The following DAAM1 variants were observed in gnomAD, a reference collection of about 807,000 sequenced individuals.
DAAM1 encodes dishevelled associated activator of morphogenesis 1, also known as disheveled-associated activator of morphogenesis 1.
A neutral mutation model predicts 130.0 loss-of-function variants in DAAM1; 52 were observed. That is an observed-to-expected ratio of 0.40 (90% confidence interval 0.32 to 0.50). The LOEUF (loss-of-function observed/expected upper bound fraction) is 0.50. Ranked by LOEUF, DAAM1 falls within the 20% of genes least tolerant of loss-of-function variation. The probability of loss-of-function intolerance (pLI) is 0.61; values close to 1 mark genes in which losing one functional copy is unlikely to be tolerated. For missense variants in DAAM1, 1,134 were observed against 1,303.8 expected (o/e 0.87, Z 2.01); for synonymous variants, 452 against 444.5 (o/e 1.02, Z -0.21).
At chr14:59,232,515 C>A (rs990617026) in intron 1 of DAAM1, among the ~76,000 whole-genome samples, 11 of 152,050 alleles carry the variant, frequency 7.2e-5, no homozygotes, top group African/African-American at 2.4e-4. Flanking sequence ...AATTCTGTAC[C>A]CTGAAACAGT....
chr14:59,304,239 CA>C (rs955100683), intron 3 of DAAM1, among the ~76,000 whole-genome samples: 3 of 152,092 alleles, frequency 2.0e-5, no homozygotes, highest in Non-Finnish European at 4.4e-5. Context: ...CAAAGAGGAA[CA>C]AAAAACACGT....
At chr14:59,240,988 A>G (rs1881091101) in intron 1 of DAAM1, among the ~76,000 whole-genome samples, 1 of 152,218 alleles carries the variant, frequency 6.6e-6, no homozygotes. Context: ...CCAAAGACAG[A>G]TACAGCTGGC....
intron 15 of DAAM1, chr14:59,338,388 T>A: frequency 6.2e-7 from 1 of 1,613,782 alleles, no homozygotes; most frequent in Non-Finnish European, 8.5e-7. Flanking sequence ...GCTGTAGGAT[T>A]TCTTTGTGAA....
chr14:59,196,616 G>A (rs375707997), intron 1 of DAAM1, among the ~76,000 whole-genome samples: 3 of 152,036 alleles, frequency 2.0e-5, no homozygotes, highest in South Asian at 4.2e-4. Context: ...GGTGGCGGGC[G>A]CCTGTAGTCC....
chr14:59,367,622 A>C, intron 24 of DAAM1, 23 bp downstream of exon 24: 1 of 1,606,138 alleles, frequency 6.2e-7, no homozygotes. Flanking sequence ...TTAATTGACC[A>C]ATTCCACCTC....
intron 3 of DAAM1, among the ~76,000 whole-genome samples, chr14:59,310,223 C>T (rs1398274176): frequency 1.3e-5 from 2 of 151,834 alleles, no homozygotes; most frequent in Non-Finnish European, 2.9e-5. Context: ...GATTCTCACG[C>T]CTTAGCCTCC....
Position 59,351,409 on chromosome 14 carries a change from G to A in DAAM1, c.2161-1117G>A, listed in dbSNP as rs776619039. On this transcript the variant is annotated intron_variant, in intron 17 of 24. Transcript: ENST00000360909. Reference sequence around the variant, plus strand: ...TAAGGTATGTCCCAGTGCCCTCAAAGTAAAGACAGAACTTCTTATAAGGCC... The same window carrying A: ...TAAGGTATGTCCCAGTGCCCTCAAAATAAAGACAGAACTTCTTATAAGGCC... 5.0e-4 allele frequency among the ~76,000 whole-genome samples: 76 copies of A among 152,218 alleles called. 1 individual carries two copies. The highest frequency in any genetic ancestry group is 4.8e-3 in the South Asian group (23 of 4,816).
chr14:59,354,510 C>T (rs777061532), intron 19 of DAAM1, among the ~76,000 whole-genome samples: 5 of 152,130 alleles, frequency 3.3e-5, no homozygotes, highest in Non-Finnish European at 7.3e-5. Context: ...CTTTTGACTA[C>T]GAGGGTGTTG....
intron 15 of DAAM1, among the ~76,000 whole-genome samples, chr14:59,337,765 G>C (rs1301387191): frequency 8.5e-5 from 13 of 152,084 alleles, no homozygotes; most frequent in Non-Finnish European, 2.9e-5. Flanking sequence ...TCTCTTAATT[G>C]CATGTTCTTT....
rs1436260914 is a variant in DAAM1, at chr14:59,285,088, C to G, written c.184-6129C>G. Among the ~76,000 whole-genome samples the G allele has an allele frequency of 2.6e-5, 4 of 152,206 alleles. No homozygotes were observed. The East Asian group carries it at 7.7e-4, about 29-fold the overall frequency. ...GGGAAGGTCACTTACAAAGGAAACC[C>G]CATCAAGCTAACAGTGGACCTTTCG... On this transcript the variant is annotated intron_variant, in intron 2 of 24. Transcript: ENST00000360909.
At position 59,296,866 on chromosome 14, in the gene DAAM1, A is replaced by G. The variant is rs565671850; in HGVS notation, c.273+5560A>G. On this transcript the variant is annotated intron_variant, in intron 3 of 24. Coordinates refer to ENST00000360909, the MANE Select transcript of DAAM1 (RefSeq NM_001270520.2). Reference sequence around the variant, plus strand: ...CCAAATCTAATCTTTACTAAACACAATTTGTAGAGCCTGTTAGGAAATCTG... The same window carrying G: ...CCAAATCTAATCTTTACTAAACACAGTTTGTAGAGCCTGTTAGGAAATCTG... 2.2e-4 allele frequency among the ~76,000 whole-genome samples: 34 copies of G among 152,306 alleles called. 1 individual carries two copies. In the South Asian group the frequency reaches 6.6e-3, roughly 30 times the overall value.
chr14:59,341,988 T>C lies in DAAM1; in HGVS notation c.2075+1808T>C, dbSNP rs10133671. Among the ~76,000 whole-genome samples, 860 of 152,290 alleles carry C rather than the reference T, an allele frequency of 5.6e-3. 8 individuals are homozygous for C. The highest frequency in any genetic ancestry group is 0.019 in the African/African-American group (781 of 41,544). ...TACCAACCAGGGTAATTACACTAGA[T>C]ATAGATAAGGTTACATCTCTTTCTG... On this transcript the variant is annotated intron_variant, in intron 16 of 24. Transcript: ENST00000360909.
chr14:59,322,771 T>C (rs1885061883), intron 5 of DAAM1, 121 bp from the exon 6 acceptor site: 1 of 767,820 alleles, frequency 1.3e-6, no homozygotes, highest in Admixed American at 2.5e-5. Context: ...ACTTCATCAA[T>C]GTAAGCCTTT....
intron 1 of DAAM1, among the ~76,000 whole-genome samples, chr14:59,198,184 C>CTTTCTTTTCT (rs1251886842): frequency 6.6e-6 from 1 of 150,534 alleles, no homozygotes; most frequent in African/African-American, 2.4e-5. Context: ...GCTGATTTGC[C>CTTTCTTTTCT]TTTCTTTTCT....
At chr14:59,347,768 T>C in intron 17 of DAAM1, 145 bp downstream of exon 17, 1 of 715,386 alleles carries the variant, frequency 1.4e-6, no homozygotes, top group Non-Finnish European at 2.4e-6. Flanking sequence ...TGTGACTCTG[T>C]TAGGAAACTT....
chr14:59,188,933 C>T (rs573019644), intron 1 of DAAM1, among the ~76,000 whole-genome samples, 165 bp downstream of exon 1: 5 of 152,292 alleles, frequency 3.3e-5, no homozygotes, highest in African/African-American at 9.6e-5. Context: ...TAAACCCGTC[C>T]TTCAGGTTGG....
intron 1 of DAAM1, among the ~76,000 whole-genome samples, chr14:59,216,353 G>T (rs528630698): frequency 6.6e-6 from 1 of 152,246 alleles, no homozygotes; most frequent in East Asian, 1.9e-4. Context: ...TTGGACAGCT[G>T]CCTGTTTATT....
intron 1 of DAAM1, among the ~76,000 whole-genome samples, chr14:59,194,783 G>A (rs1044420494): frequency 1.3e-5 from 2 of 152,180 alleles, no homozygotes; most frequent in Non-Finnish European, 2.9e-5. Context: ...AGCAAATTTG[G>A]TGCCAAATAA....
intron 1 of DAAM1, among the ~76,000 whole-genome samples, chr14:59,236,854 A>G (rs1176707365): frequency 6.6e-6 from 1 of 152,118 alleles, no homozygotes; most frequent in Non-Finnish European, 1.5e-5. Flanking sequence ...AACTTTCCCA[A>G]ACTTCTCTTG....
Sources: gnomAD v4.1 joint callset for allele counts (sites outside exome capture counted in the v4.1 genomes callset) on GRCh38, gnomAD v4.1.1 for gene constraint, MANE v1.5 for transcripts, NCBI Gene and HGNC (gene_info 2026-07-23, HGNC 2026-07-21) for gene names.